PGM5: variants seen among roughly 807,000 people sequenced by gnomAD.
The protein encoded by PGM5 is phosphoglucomutase-like protein 5.
A neutral mutation model predicts 59.2 loss-of-function variants in PGM5; 23 were observed. That is an observed-to-expected ratio of 0.39 (90% CI 0.28 to 0.55). The LOEUF is 0.55. PGM5 is among the 20% of genes least tolerant of loss of function. The pLI, the probability that PGM5 is intolerant of heterozygous loss-of-function variation, is 0.66. For synonymous variants in PGM5, 214 were observed against 286.0 expected (o/e 0.75, Z 2.54); for missense variants, 574 against 748.3 (o/e 0.77, Z 2.72).
chr9:68,357,039 C>G lies in PGM5; in HGVS notation c.-89C>G, dbSNP rs183111052. On this transcript the variant is annotated 5_prime_UTR_variant, in exon 1 of 11. Coordinates refer to ENST00000396396, the MANE Select transcript of PGM5 (RefSeq NM_021965.4). ...GGGGCCCGGGCGCGAGGCGGAGTCCCGGCGCGCAGCCAGGCTGGTGGAGGC... is the reference window on the plus strand; with the variant it reads ...GGGGCCCGGGCGCGAGGCGGAGTCCGGGCGCGCAGCCAGGCTGGTGGAGGC... The G allele has an allele frequency of 7.6e-7, 1 of 1,313,240 alleles. No homozygotes were observed. Among genetic ancestry groups the G allele is most frequent in the Non-Finnish European group, 9.9e-7 (1 of 1,014,458 alleles). The allele number at this position is 1,313,240 out of a possible 1,614,324, so 81.3% of individuals were successfully genotyped here. A position where few individuals can be genotyped will look rare whatever the true frequency, so the allele number is the denominator to read the frequency against.
At chr9:68,467,205 C>G (rs1823948311) in intron 7 of PGM5, among the ~76,000 whole-genome samples, 1 of 152,066 alleles carries the variant, frequency 6.6e-6, no homozygotes, top group African/African-American at 2.4e-5. Flanking sequence ...AAAAATGTGC[C>G]CCTTGTATCT....
chr9:68,383,018 T>C (rs575346933), intron 2 of PGM5, among the ~76,000 whole-genome samples: 3 of 152,124 alleles, frequency 2.0e-5, no homozygotes, highest in Admixed American at 6.6e-5. Flanking sequence ...AGACTACCTA[T>C]TCTTTAAGTT....
chr9:68,409,956 A>T (rs1238179418), intron 6 of PGM5, among the ~76,000 whole-genome samples: 1 of 151,734 alleles, frequency 6.6e-6, no homozygotes, highest in Non-Finnish European at 1.5e-5. Flanking sequence ...GATTCTCATC[A>T]CTTCTCAGGG....
rs111493342 is a variant in PGM5, at chr9:68,436,515, A to G, written c.1044-28578A>G. Among the ~76,000 whole-genome samples, 1,024 of 152,306 alleles carry G rather than the reference A, an allele frequency of 6.7e-3. 10 individuals are homozygous for G. The highest frequency in any genetic ancestry group is 0.023 in the African/African-American group (952 of 41,572). On this transcript the variant is annotated intron_variant, in intron 6 of 10. Transcript: ENST00000396396. ...TCTGGGTCAAGGTGATGACAAGCCA[A>G]TGACAAACTGTATACACTCCTTAGT...
At chr9:68,444,067 T>C (rs1289538006) in intron 6 of PGM5, among the ~76,000 whole-genome samples, 2 of 150,944 alleles carry the variant, frequency 1.3e-5, no homozygotes, top group African/African-American at 4.8e-5. Context: ...TCTTTCTTTT[T>C]TTTTTTTTTT....
chr9:68,477,511 C>A (rs189102800), intron 7 of PGM5, among the ~76,000 whole-genome samples: 15 of 152,244 alleles, frequency 9.9e-5, no homozygotes, highest in Admixed American at 9.8e-4. Flanking sequence ...TTTTGTAGTT[C>A]TGAAACCCAA....
At chr9:68,428,021 T>TG (rs1823266575) in intron 6 of PGM5, among the ~76,000 whole-genome samples, 1 of 152,222 alleles carries the variant, frequency 6.6e-6, no homozygotes, top group Non-Finnish European at 1.5e-5. Flanking sequence ...GGCTTTCCTT[T>TG]TATAATGCTC....
intron 1 of PGM5, among the ~76,000 whole-genome samples, chr9:68,377,428 T>C (rs1372583236): frequency 6.6e-6 from 1 of 152,230 alleles, no homozygotes; most frequent in Non-Finnish European, 1.5e-5. Context: ...TTAAAAAGCT[T>C]CGTAAGTGAT....
At chr9:68,521,487 C>T (rs992669077) in intron 10 of PGM5, among the ~76,000 whole-genome samples, 15 of 152,058 alleles carry the variant, frequency 9.9e-5, no homozygotes, top group Admixed American at 9.2e-4. Context: ...TTTTTAACCT[C>T]GGTTTCAATC....
chr9:68,404,572 G>T (rs1291819201), intron 6 of PGM5, among the ~76,000 whole-genome samples: 1 of 152,184 alleles, frequency 6.6e-6, no homozygotes, highest in Non-Finnish European at 1.5e-5. Flanking sequence ...AACAAATCTT[G>T]TCAGCCCTAT....
At chr9:68,369,633 G>A (rs1376584664) in intron 1 of PGM5, among the ~76,000 whole-genome samples, 2 of 152,156 alleles carry the variant, frequency 1.3e-5, no homozygotes, top group Admixed American at 1.3e-4. Context: ...AGAAATGGGT[G>A]GGCCGATTGA....
At chr9:68,380,048 C>A (rs1554678195) in intron 2 of PGM5, among the ~76,000 whole-genome samples, 1 of 151,732 alleles carries the variant, frequency 6.6e-6, no homozygotes, top group South Asian at 2.1e-4. Flanking sequence ...AGAGATCAAC[C>A]AGACAAAAAA....
chr9:68,376,765 A>ATTTCTTTCTTTCTTTCTTTC (rs71353048), intron 1 of PGM5, among the ~76,000 whole-genome samples: 1 of 96,718 alleles, frequency 1.0e-5, no homozygotes, highest in Non-Finnish European at 2.1e-5. Context: ...GAGGTTCTGC[A>ATTTCTTTCTTTCTTTCTTTC]TTTCTTTCTT....
chr9:68,357,467 G>A (rs1418971793), intron 1 of PGM5, 79 bp downstream of exon 1: 1 of 1,516,328 alleles, frequency 6.6e-7, no homozygotes, highest in South Asian at 1.2e-5. Flanking sequence ...TGCTGCCTCC[G>A]GGCCCAGTTG....
At chr9:68,495,233 A>G (rs1824464424) in intron 9 of PGM5, among the ~76,000 whole-genome samples, 1 of 152,246 alleles carries the variant, frequency 6.6e-6, no homozygotes, top group Non-Finnish European at 1.5e-5. Flanking sequence ...AAAAACACAC[A>G]TAATGAAGTT....
chr9:68,518,624 G>T (rs1266396262), intron 10 of PGM5, among the ~76,000 whole-genome samples: 2 of 152,162 alleles, frequency 1.3e-5, no homozygotes, highest in African/African-American at 2.4e-5. Context: ...AACATAAATG[G>T]ATTTAACAGC....
chr9:68,451,219 T>A (rs887844870), intron 6 of PGM5, among the ~76,000 whole-genome samples: 1 of 152,118 alleles, frequency 6.6e-6, no homozygotes, highest in Non-Finnish European at 1.5e-5. Context: ...AATTATAAGC[T>A]CCAAAATGAA....
chr9:68,448,779 C>T (rs1823652323), intron 6 of PGM5, among the ~76,000 whole-genome samples: 2 of 152,192 alleles, frequency 1.3e-5, no homozygotes, highest in Non-Finnish European at 2.9e-5. Context: ...CCTCCTGAAG[C>T]TGCTGGAGAT....
chr9:68,525,789 G>A lies in PGM5; in HGVS notation c.1615-3778G>A, dbSNP rs542334201. 1.3e-5 allele frequency among the ~76,000 whole-genome samples: 2 copies of A among 152,160 alleles called. 1 individual carries two copies. The highest frequency in any genetic ancestry group is 4.8e-5 in the African/African-American group (2 of 41,450). ...AAATGGGAGCTTGCCGGGCGTGGTG[G>A]CTCACGCCTATTATCCCAGCACTTT... is the stretch of plus-strand genomic sequence containing the variant. On this transcript the variant is annotated intron_variant, in intron 10 of 10. Coordinates refer to ENST00000396396, the MANE Select transcript of PGM5 (RefSeq NM_021965.4).
Sources: gnomAD v4.1 joint callset for allele counts (sites outside exome capture counted in the v4.1 genomes callset) on GRCh38, gnomAD v4.1.1 for gene constraint, MANE v1.5 for transcripts, NCBI Gene and HGNC (gene_info 2026-07-23, HGNC 2026-07-21) for gene names.